Variants in VTCN1 observed in about 807,000 individuals in gnomAD.
VTCN1 encodes V-set domain containing T cell activation inhibitor 1, also known as V-set domain-containing T-cell activation inhibitor 1.
A neutral mutation model predicts 26.5 loss-of-function variants in VTCN1; 26 were observed. The observed-to-expected ratio is 0.98, with a 90% CI of 0.72 to 1.36. The LOEUF (loss-of-function observed/expected upper bound fraction) is 1.36. VTCN1 is among the 40% of genes most tolerant of loss of function. VTCN1 has a pLI of 0.00. For missense variants in VTCN1, 298 were observed against 337.7 expected (o/e 0.88, Z 0.92); for synonymous variants, 116 against 130.7 (o/e 0.89, Z 0.77).
At chr1:117,156,104 T>C (rs1360974346) in intron 3 of VTCN1, among the ~76,000 whole-genome samples, 1 of 152,206 alleles carries the variant, frequency 6.6e-6, no homozygotes, top group Non-Finnish European at 1.5e-5. Context: ...TGGATTTCAT[T>C]GTTGCAGGGG....
At chr1:117,193,424 A>T (rs565850732) in intron 1 of VTCN1, among the ~76,000 whole-genome samples, 8 of 152,200 alleles carry the variant, frequency 5.3e-5, no homozygotes, top group Non-Finnish European at 8.8e-5. Flanking sequence ...CGCAAATGGT[A>T]ACCAAAAGAG....
intron 1 of VTCN1, among the ~76,000 whole-genome samples, chr1:117,186,144 T>A (rs1252869747): frequency 1.3e-5 from 2 of 152,222 alleles, no homozygotes; most frequent in Non-Finnish European, 2.9e-5. Flanking sequence ...ACTGGAAATG[T>A]AGTTCAACAA....
At chr1:117,180,337 G>T (rs1289963282) in intron 1 of VTCN1, among the ~76,000 whole-genome samples, 1 of 152,020 alleles carries the variant, frequency 6.6e-6, no homozygotes, top group African/African-American at 2.4e-5. Context: ...CATCATCCTT[G>T]TGCACACTAT....
Position 117,159,051 on chromosome 1 carries a change from G to A in VTCN1, c.98-2130C>T, listed in dbSNP as rs939926443. On this transcript the variant is annotated intron_variant, in intron 2 of 5. Transcript: ENST00000369458. The surrounding 1 kb of genome is among the most constrained non-coding windows in gnomAD (Gnocchi z 4.7). The stretch of plus-strand genomic sequence containing the variant: ...GCTTTTGGTCAAAGCCATTCAACAA[G>A]TCTCTAGGAAGTTTCAAAATTTCCC... 3.9e-5 allele frequency among the ~76,000 whole-genome samples: 6 copies of A among 152,144 alleles called. No individual in the cohort carries two copies. Among genetic ancestry groups the A allele is most frequent in the Non-Finnish European group, 7.4e-5 (5 of 68,026 alleles).
chr1:117,208,589 AC>A (rs1473412397), intron 1 of VTCN1, among the ~76,000 whole-genome samples: 1 of 152,100 alleles, frequency 6.6e-6, no homozygotes, highest in Non-Finnish European at 1.5e-5. Flanking sequence ...CTGGAACTTA[AC>A]CCCCTCAGAG....
intron 4 of VTCN1, among the ~76,000 whole-genome samples, chr1:117,148,879 C>T (rs1463946173): frequency 6.6e-6 from 1 of 152,180 alleles, no homozygotes; most frequent in African/African-American, 2.4e-5. Flanking sequence ...GTGCAAGTCT[C>T]CTGCAGGAGC....
chr1:117,150,299 T>C (rs1651721369), intron 4 of VTCN1, among the ~76,000 whole-genome samples: 1 of 152,166 alleles, frequency 6.6e-6, no homozygotes, highest in African/African-American at 2.4e-5. Flanking sequence ...AATATAGGAA[T>C]GCTTGGCAAT....
Position 117,147,667 on chromosome 1 carries a change from C to T in VTCN1, c.840G>A (p.Met280Ile). ...WALLPLSPYL[M>I]LK Reference sequence around the variant, plus strand: ...TTGTGGCCGAGGCACATTATTTTAGCATCAGGTAAGGGCTGAGAGGCAGAA... The same window carrying T: ...TTGTGGCCGAGGCACATTATTTTAGTATCAGGTAAGGGCTGAGAGGCAGAA... Residue 280 changes from methionine (M) to isoleucine (I), a missense_variant, in exon 5 of 6, where the codon ATG becomes ATA. Coordinates refer to ENST00000369458, the MANE Select transcript of VTCN1 (RefSeq NM_024626.4). This position sits in a 1 kb window ranked among gnomAD's most constrained non-coding sequence, Gnocchi z 4.6. 1 of 1,612,956 alleles carries T rather than the reference C, an allele frequency of 6.2e-7. No homozygotes were observed. Among genetic ancestry groups the T allele is most frequent in the Non-Finnish European group, 8.5e-7 (1 of 1,179,622 alleles).
chr1:117,197,754 T>A (rs1648588270), intron 1 of VTCN1, among the ~76,000 whole-genome samples: 1 of 152,144 alleles, frequency 6.6e-6, no homozygotes, highest in African/African-American at 2.4e-5. Context: ...AATTCTTTGT[T>A]CAAGACTCCG....
rs1404694188 is a variant in VTCN1 at position 117,169,567 on chromosome 1, T to A, written c.97+540A>T. ...ATCTCATTTGATTATCTCAACTAAC[T>A]GGTGATGTTGACAGTATCTCCCCAC... On this transcript the variant is annotated intron_variant, in intron 2 of 5. Transcript: ENST00000369458. The surrounding 1 kb of genome is among the most constrained non-coding windows in gnomAD (Gnocchi z 4.0). Among the ~76,000 whole-genome samples the A allele has an allele frequency of 6.6e-6, 1 of 152,156 alleles. No homozygotes were observed. The highest frequency in any genetic ancestry group is 1.5e-5 in the Non-Finnish European group (1 of 68,022).
intron 1 of VTCN1, among the ~76,000 whole-genome samples, chr1:117,192,876 C>G (rs985930330): frequency 1.3e-5 from 2 of 152,006 alleles, no homozygotes; most frequent in Non-Finnish European, 2.9e-5. Flanking sequence ...ACTTAGAAAA[C>G]AATTAACAAA....
chr1:117,169,737 A>T lies in VTCN1; in HGVS notation c.97+370T>A, dbSNP rs1288765604. ...GTGAAACCCCATCTCTACTAAAAAT[A>T]AAAAAATTAGCCTGGCATGGTGGTG... On this transcript the variant is annotated intron_variant, in intron 2 of 5. Coordinates refer to ENST00000369458, the MANE Select transcript of VTCN1 (RefSeq NM_024626.4). This position sits in a 1 kb window ranked among gnomAD's most constrained non-coding sequence, Gnocchi z 4.0. Among the ~76,000 whole-genome samples, 2 of 151,986 alleles carry T rather than the reference A, an allele frequency of 1.3e-5. No individual in the cohort carries two copies. Among genetic ancestry groups the T allele is most frequent in the Non-Finnish European group, 2.9e-5 (2 of 67,996 alleles).
intron 1 of VTCN1, among the ~76,000 whole-genome samples, chr1:117,190,364 G>A (rs946101689): frequency 1.1e-4 from 16 of 152,196 alleles, no homozygotes; most frequent in Non-Finnish European, 7.3e-5. Context: ...TGCAGAGGTA[G>A]GCCTGAAAAC....
At chr1:117,170,065 G>C (rs1356461848) in intron 2 of VTCN1, 42 bp downstream of exon 2, 2 of 1,571,746 alleles carry the variant, frequency 1.3e-6, no homozygotes, top group Non-Finnish European at 1.8e-6. Context: ...GAGTTTAATG[G>C]TGAGGGGTGA....
At chr1:117,187,879 G>A (rs1471233362) in intron 1 of VTCN1, among the ~76,000 whole-genome samples, 7 of 151,522 alleles carry the variant, frequency 4.6e-5, no homozygotes, top group Admixed American at 1.3e-4. Context: ...AAAAAGAAAA[G>A]AAAAAAACTA....
Position 117,183,949 on chromosome 1 carries a change from A to G in VTCN1, c.33-13778T>C, listed in dbSNP as rs996134647. On this transcript the variant is annotated intron_variant, in intron 1 of 5. Transcript: ENST00000369458. The surrounding 1 kb of genome is among the most constrained non-coding windows in gnomAD (Gnocchi z 4.1). ...GCAATGGCTATGCATTCCAGGGACC[A>G]AAAGCTTCTGTCTTCAGAGCCATAC... Among the ~76,000 whole-genome samples the G allele has an allele frequency of 8.5e-5, 13 of 152,186 alleles. No homozygotes were observed. Among genetic ancestry groups the G allele is most frequent in the African/African-American group, 3.1e-4 (13 of 41,438 alleles).
intron 1 of VTCN1, among the ~76,000 whole-genome samples, chr1:117,180,118 TC>T (rs1056912824): frequency 6.6e-6 from 1 of 151,504 alleles, no homozygotes; most frequent in Non-Finnish European, 1.5e-5. Flanking sequence ...AAAATTTCTC[TC>T]CCCCCCAGGA....
At chr1:117,181,676 G>T (rs565644148) in intron 1 of VTCN1, among the ~76,000 whole-genome samples, 2 of 152,200 alleles carry the variant, frequency 1.3e-5, no homozygotes, top group Non-Finnish European at 2.9e-5. Context: ...GGCTGAACAT[G>T]TGTGAAGACA....
At position 117,147,952 on chromosome 1, in the gene VTCN1, T is replaced by C. The variant is rs1651602668; in HGVS notation, c.725-170A>G. Among the ~76,000 whole-genome samples, 1 of 152,212 alleles carries C rather than the reference T, an allele frequency of 6.6e-6. No individual in the cohort carries two copies. The highest frequency in any genetic ancestry group is 2.4e-5 in the African/African-American group (1 of 41,446). ...CGTAACTGGCTTAAAAGTAGAGCTTTCTCTTTCTTCAAAGAAAATTCCATT... is the reference window on the plus strand; with the variant it reads ...CGTAACTGGCTTAAAAGTAGAGCTTCCTCTTTCTTCAAAGAAAATTCCATT... On this transcript the variant is annotated intron_variant, in intron 4 of 5. Coordinates refer to ENST00000369458, the MANE Select transcript of VTCN1 (RefSeq NM_024626.4). This position sits in a 1 kb window ranked among gnomAD's most constrained non-coding sequence, Gnocchi z 4.6.
Sources: allele counts gnomAD v4.1 joint callset (sites outside exome capture counted in the v4.1 genomes callset), GRCh38; gene constraint gnomAD v4.1.1; non-coding constraint Gnocchi (gnomAD v3.1); transcripts MANE v1.5; gene names NCBI Gene and HGNC (gene_info 2026-07-23, HGNC 2026-07-21).